Variants in PCDHGA1 observed in about 807,000 individuals in gnomAD.
PCDHGA1 encodes protocadherin gamma-A1.
A neutral mutation model predicts 58.0 loss-of-function variants in PCDHGA1; 32 were observed. The observed-to-expected ratio is 0.55, with a 90% CI of 0.42 to 0.74. The LOEUF is 0.74. Among genes scored for constraint, PCDHGA1 ranks in the 30% least tolerant of loss-of-function variants. The probability of loss-of-function intolerance (pLI) is 0.00; values close to 1 mark genes in which losing one functional copy is unlikely to be tolerated. For missense variants in PCDHGA1, 1,205 were observed against 1,182.3 expected (o/e 1.02, Z -0.28); for synonymous variants, 498 against 501.1 (o/e 0.99, Z 0.08).
rs1267535064 is a variant in PCDHGA1, at chr5:141,395,542, T to TTGTTTGTG, written c.2421+62440_2421+62441insTTGTGTGT. On this transcript the variant is annotated intron_variant, in intron 1 of 3. Coordinates refer to ENST00000517417, the MANE Select transcript of PCDHGA1 (RefSeq NM_018912.3). Reference sequence around the variant, plus strand: ...TCCATACTGGTAATTTTGCTATTGTTTGTGTGTGTGTGTGTGTGTGTGTGT... The same window carrying TTGTTTGTG: ...TCCATACTGGTAATTTTGCTATTGTTTGTTTGTGTGTGTGTGTGTGTGTGTGTGTGTGT... 308 of 172,612 alleles carry TTGTTTGTG rather than the reference T, an allele frequency of 1.8e-3. 2 individuals are homozygous for TTGTTTGTG. Among genetic ancestry groups the TTGTTTGTG allele is most frequent in the African/African-American group, 0.017 (292 of 17,534 alleles). The allele number at this position is 172,612 out of a possible 1,614,324, so 10.7% of individuals were successfully genotyped here.
chr5:141,355,448 C>T (rs1370808610), intron 1 of PCDHGA1: 5 of 1,614,092 alleles, frequency 3.1e-6, no homozygotes, highest in South Asian at 1.1e-5. Flanking sequence ...CGCAGCGGCA[C>T]CTTGGTCACC....
At position 141,393,369 on chromosome 5, in the gene PCDHGA1, G is replaced by A. The variant is rs748036677; in HGVS notation, c.2421+60264G>A. 19 of 1,613,962 alleles carry A rather than the reference G, an allele frequency of 1.2e-5. No homozygotes were observed. In the South Asian group the frequency reaches 2.0e-4, roughly 17 times the overall value. Reference sequence around the variant, plus strand: ...CTTCTCCCTGGACGTGCAGACTGGAGACAATGGAGCCATAAACCCAGAGCT... The same window carrying A: ...CTTCTCCCTGGACGTGCAGACTGGAAACAATGGAGCCATAAACCCAGAGCT... On this transcript the variant is annotated intron_variant, in intron 1 of 3. Coordinates refer to ENST00000517417, the MANE Select transcript of PCDHGA1 (RefSeq NM_018912.3).
chr5:141,419,945 T>C (rs2096451536), intron 1 of PCDHGA1: 4 of 1,614,088 alleles, frequency 2.5e-6, no homozygotes, highest in Middle Eastern at 1.6e-4. Context: ...GGTGGTGGCC[T>C]TGGCCTTGAT....
At chr5:141,423,409 G>T (rs1168604361) in intron 1 of PCDHGA1, 1 of 1,614,148 alleles carries the variant, frequency 6.2e-7, no homozygotes, top group South Asian at 1.1e-5. Flanking sequence ...CCTGCTGCAG[G>T]CTTCTGAAGG....
chr5:141,450,977 A>G (rs2098702822), intron 1 of PCDHGA1, among the ~76,000 whole-genome samples: 1 of 151,760 alleles, frequency 6.6e-6, no homozygotes, highest in African/African-American at 2.4e-5. Context: ...GGCATGTGCC[A>G]CCACACCCGG....
At chr5:141,358,113 C>G (rs1434059744) in intron 1 of PCDHGA1, among the ~76,000 whole-genome samples, 1 of 152,208 alleles carries the variant, frequency 6.6e-6, no homozygotes, top group Admixed American at 6.5e-5. Flanking sequence ...TTGCTTGAAC[C>G]TGGGAGGCAG....
intron 1 of PCDHGA1, among the ~76,000 whole-genome samples, chr5:141,445,489 G>A (rs934531418): frequency 7.2e-5 from 11 of 152,188 alleles, no homozygotes; most frequent in Non-Finnish European, 1.3e-4. Context: ...GAGTTAATGG[G>A]CCCTATTCTA....
In PCDHGA1 at chr5:141,374,712, T is replaced by C. The variant is rs745500934; in HGVS notation, c.2421+41607T>C. The stretch of plus-strand genomic sequence containing the variant: ...CGGGAAGGAGAAGCCGTTTACCGCC[T>C]GGTCCTTACTGCCATGGATGGCGGC... On this transcript the variant is annotated intron_variant, in intron 1 of 3. Transcript: ENST00000517417. The C allele has an allele frequency of 6.2e-7, 1 of 1,609,662 alleles. No individual in the cohort carries two copies. The highest frequency in any genetic ancestry group is 8.5e-7 in the Non-Finnish European group (1 of 1,177,766).
chr5:141,405,201 T>C, intron 1 of PCDHGA1: 1 of 1,614,050 alleles, frequency 6.2e-7, no homozygotes, highest in Non-Finnish European at 8.5e-7. Context: ...CGAGCTTTCC[T>C]ACAGACCTAT....
At chr5:141,352,770 A>C in intron 1 of PCDHGA1, 1 of 1,227,116 alleles carries the variant, frequency 8.1e-7, no homozygotes, top group Non-Finnish European at 1.1e-6. Flanking sequence ...CAGGTGGATC[A>C]CTTGAGGTCA....
At chr5:141,402,260 A>C (rs2094244604) in intron 1 of PCDHGA1, among the ~76,000 whole-genome samples, 2 of 152,144 alleles carry the variant, frequency 1.3e-5, no homozygotes, top group South Asian at 4.1e-4. Context: ...AACCCCAGAA[A>C]ATAATTTCAA....
At chr5:141,413,622 T>C (rs1561743710) in intron 1 of PCDHGA1, 2 of 1,613,760 alleles carry the variant, frequency 1.2e-6, no homozygotes, top group Non-Finnish European at 1.7e-6. Flanking sequence ...TTAATGAAAA[T>C]GTCGCTGCGG....
Position 141,450,830 on chromosome 5 carries a change from T to TTA in PCDHGA1, c.2422-43976_2422-43975insAT, listed in dbSNP as rs200967731. 4.3e-3 allele frequency among the ~76,000 whole-genome samples: 438 copies of TTA among 101,540 alleles called. 3 individuals carry two copies. Among genetic ancestry groups the TTA allele is most frequent in the African/African-American group, 0.015 (349 of 23,046 alleles). 66.6% of individuals were successfully genotyped at this position (101,540 alleles called of 152,430 possible). ...TATTTATTTAATATTATTATTATTA[T>TTA]TTTTTTTTTTTTGAGATGGGGTCTT... On this transcript the variant is annotated intron_variant, in intron 1 of 3. Transcript: ENST00000517417.
intron 1 of PCDHGA1, chr5:141,430,990 GA>G (rs1185464233): frequency 1.2e-6 from 2 of 1,613,970 alleles, no homozygotes; most frequent in East Asian, 4.5e-5. Context: ...TTTTCGCCCT[GA>G]ATCCGCGCAG....
intron 1 of PCDHGA1, chr5:141,338,973 T>C (rs1399725408): frequency 6.5e-7 from 1 of 1,529,516 alleles, no homozygotes; most frequent in Admixed American, 2.2e-5. Context: ...AGGAGGGAAA[T>C]GGCGGCTCTG....
intron 1 of PCDHGA1, chr5:141,352,534 G>A (rs1561503598): frequency 1.2e-6 from 2 of 1,613,978 alleles, no homozygotes; most frequent in Non-Finnish European, 1.7e-6. Flanking sequence ...ATTCTGCAAA[G>A]ACAGAGTTTA....
intron 1 of PCDHGA1, chr5:141,419,776 C>T (rs965350189): frequency 1.2e-6 from 2 of 1,614,026 alleles, no homozygotes; most frequent in Admixed American, 1.7e-5. Context: ...ACTCGGTCCG[C>T]CAGCGCCTGC....
chr5:141,505,246 G>C, intron 2 of PCDHGA1, 147 bp from the exon 3 acceptor site: 2 of 1,436,674 alleles, frequency 1.4e-6, no homozygotes, highest in Non-Finnish European at 1.9e-6. Flanking sequence ...AAGGATTGTA[G>C]AAGTGCCTCC....
At chr5:141,478,425 A>G (rs1454100826) in intron 1 of PCDHGA1, 1 of 1,613,542 alleles carries the variant, frequency 6.2e-7, no homozygotes, top group African/African-American at 1.3e-5. Context: ...CGCCGCAGCG[A>G]CCCGCTGCTG....
Sources: allele counts gnomAD v4.1 joint callset (sites outside exome capture counted in the v4.1 genomes callset), GRCh38; gene constraint gnomAD v4.1.1; transcripts MANE v1.5; gene names NCBI Gene and HGNC (gene_info 2026-07-23, HGNC 2026-07-21).